Variants in EYS observed in about 807,000 individuals in gnomAD.
EYS encodes protein eyes shut homolog.
In EYS, 250 loss-of-function variants were observed where a neutral mutation model predicts 282.1. That is an observed-to-expected ratio of 0.89 (90% confidence interval 0.80 to 0.98). EYS has a LOEUF of 0.98. EYS is among the 50% of genes least tolerant of loss of function. The probability of loss-of-function intolerance (pLI) is 0.00; values close to 1 mark genes in which losing one functional copy is unlikely to be tolerated. For synonymous variants in EYS, 1,355 were observed against 1,282.9 expected, an observed-to-expected ratio of 1.06 and a Z score of -1.20; for missense variants, 4,016 against 3,709.0, an observed-to-expected ratio of 1.08 and a Z score of -2.15.
At chr6:64,976,482 G>A (rs1346303778) in intron 14 of EYS, among the ~76,000 whole-genome samples, 2 of 151,794 alleles carry the variant, frequency 1.3e-5, no homozygotes, top group East Asian at 3.9e-4. Flanking sequence ...AGTATCTGCT[G>A]AGGCCTACTT....
chr6:63,877,508 C>A (rs556951273), intron 35 of EYS, among the ~76,000 whole-genome samples: 128 of 152,276 alleles, frequency 8.4e-4, no homozygotes, highest in African/African-American at 3.0e-3. Flanking sequence ...CTGAATTTGA[C>A]TGTTGGGCTG....
At chr6:65,193,186 G>T (rs1765683612) in intron 12 of EYS, among the ~76,000 whole-genome samples, 1 of 151,806 alleles carries the variant, frequency 6.6e-6, no homozygotes, top group African/African-American at 2.4e-5. Context: ...ACAATTCAAT[G>T]AGGTAGTTAT....
intron 22 of EYS, among the ~76,000 whole-genome samples, chr6:64,808,763 T>C (rs1237291656): frequency 6.6e-6 from 1 of 152,128 alleles, no homozygotes; most frequent in African/African-American, 2.4e-5. Flanking sequence ...TCAGCAAGAT[T>C]TTTTTAAATG....
chr6:65,412,306 C>T (rs1057302569), intron 5 of EYS, among the ~76,000 whole-genome samples: 5 of 152,028 alleles, frequency 3.3e-5, no homozygotes, highest in African/African-American at 1.2e-4. Context: ...AAAGCTACCA[C>T]GAATATTAAT....
intron 29 of EYS, among the ~76,000 whole-genome samples, chr6:64,382,446 T>A (rs1395570874): frequency 6.6e-6 from 1 of 152,198 alleles, no homozygotes; most frequent in Admixed American, 6.5e-5. Context: ...ATCTTCCCCA[T>A]CTTAATGATG....
chr6:64,447,867 T>C (rs1439746557), intron 26 of EYS, among the ~76,000 whole-genome samples: 2 of 152,254 alleles, frequency 1.3e-5, no homozygotes, highest in South Asian at 2.1e-4. Context: ...ATAATCATAA[T>C]ATTTCTCTTC....
chr6:64,005,509 T>C (rs1768302608), intron 33 of EYS, among the ~76,000 whole-genome samples: 2 of 152,216 alleles, frequency 1.3e-5, no homozygotes, highest in African/African-American at 4.8e-5. Context: ...TCGGATGCTA[T>C]TGCTTTTGGT....
intron 36 of EYS, among the ~76,000 whole-genome samples, chr6:63,861,735 T>C (rs1374629244): frequency 6.6e-6 from 1 of 152,150 alleles, no homozygotes; most frequent in Non-Finnish European, 1.5e-5. Context: ...ATGGGATTAG[T>C]GCCCTTATAA....
intron 12 of EYS, among the ~76,000 whole-genome samples, chr6:65,241,095 G>C (rs368687796): frequency 6.6e-6 from 1 of 151,922 alleles, no homozygotes; most frequent in Non-Finnish European, 1.5e-5. Context: ...AAAATGACTG[G>C]TTTTGTTAAA....
chr6:64,879,633 G>A (rs1766854434), intron 19 of EYS, among the ~76,000 whole-genome samples: 1 of 152,130 alleles, frequency 6.6e-6, no homozygotes, highest in East Asian at 1.9e-4. Context: ...CAATGTAATA[G>A]AGGCACTGGA....
chr6:64,257,634 T>G (rs1271036348), intron 30 of EYS, among the ~76,000 whole-genome samples: 2 of 152,008 alleles, frequency 1.3e-5, no homozygotes, highest in African/African-American at 2.4e-5. Flanking sequence ...ACAATTCATT[T>G]TAGTTCATTG....
Position 65,295,773 on chromosome 6 carries a change from CATTTGAGATAT to C in EYS, c.2023+79_2023+89del, listed in dbSNP as rs71788483. Reference sequence around the variant, plus strand: ...AGACAACAATACCAATCAATAGACACATTTGAGATATATTTGAGATATATCAAATAAATATA... The same window carrying C: ...AGACAACAATACCAATCAATAGACACATTTGAGATATATCAAATAAATATA... On this transcript the variant is annotated intron_variant, in intron 12 of 42. Coordinates refer to ENST00000503581, the MANE Select transcript of EYS (RefSeq NM_001142800.2). The C allele has an allele frequency of 1.9e-3, 2,106 of 1,090,538 alleles. 28 individuals are homozygous for C. In the African/African-American group the frequency reaches 0.03, roughly 16 times the overall value. 67.6% of individuals were successfully genotyped at this position (1,090,538 alleles called of 1,614,324 possible).
At chr6:65,011,510 T>C (rs752988235) in intron 13 of EYS, among the ~76,000 whole-genome samples, 1 of 152,110 alleles carries the variant, frequency 6.6e-6, no homozygotes, top group African/African-American at 2.4e-5. Context: ...GTTAATGACA[T>C]TGAAGACACC....
At chr6:64,250,442 T>C (rs1767173169) in intron 30 of EYS, among the ~76,000 whole-genome samples, 3 of 152,200 alleles carry the variant, frequency 2.0e-5, no homozygotes, top group Admixed American at 2.0e-4. Context: ...TTACAGCTAT[T>C]ACAAATGCCT....
intron 19 of EYS, among the ~76,000 whole-genome samples, chr6:64,825,230 C>T (rs1212378722): frequency 6.6e-6 from 1 of 151,922 alleles, no homozygotes; most frequent in African/African-American, 2.4e-5. Context: ...GAGGACTATT[C>T]AACCACACAA....
At chr6:64,550,145 A>C (rs1255808719) in intron 26 of EYS, among the ~76,000 whole-genome samples, 3 of 152,202 alleles carry the variant, frequency 2.0e-5, no homozygotes, top group Admixed American at 2.0e-4. Context: ...ATTGTTAGAC[A>C]TTTGGGTTGG....
intron 2 of EYS, among the ~76,000 whole-genome samples, chr6:65,571,340 T>A (rs550198641): frequency 1.3e-5 from 2 of 152,082 alleles, no homozygotes; most frequent in African/African-American, 4.8e-5. Flanking sequence ...TGAACAAGAA[T>A]AAAAGTTGAT....
At chr6:65,158,029 T>C (rs1191020768) in intron 12 of EYS, among the ~76,000 whole-genome samples, 1 of 150,900 alleles carries the variant, frequency 6.6e-6, no homozygotes, top group Non-Finnish European at 1.5e-5. Context: ...TGTAATATCA[T>C]ACCAACCTTA....
intron 35 of EYS, among the ~76,000 whole-genome samples, chr6:63,925,984 C>G (rs1240028153): frequency 6.6e-6 from 1 of 152,208 alleles, no homozygotes; most frequent in Non-Finnish European, 1.5e-5. Context: ...TTAGCTATTT[C>G]TCCTAATGCT....
Sources: gnomAD v4.1 joint callset for allele counts (sites outside exome capture counted in the v4.1 genomes callset) on GRCh38, gnomAD v4.1.1 for gene constraint, MANE v1.5 for transcripts, NCBI Gene and HGNC (gene_info 2026-07-23, HGNC 2026-07-21) for gene names.